CACNA2D3: variants seen among roughly 807,000 people sequenced by gnomAD.
CACNA2D3 encodes calcium voltage-gated channel auxiliary subunit alpha2delta 3.
Under a neutral mutation model 160.6 loss-of-function variants are expected in CACNA2D3, and 60 were observed. That is an observed-to-expected ratio of 0.37 (90% CI 0.30 to 0.46). The LOEUF is 0.46. CACNA2D3 is among the 20% of genes least tolerant of loss of function. The pLI is 1.00. For synonymous variants in CACNA2D3, 558 were observed against 492.9 expected (o/e 1.13, Z -1.75); for missense variants, 1,205 against 1,365.0 (o/e 0.88, Z 1.85).
At chr3:54,520,101 T>C (rs1189896120) in intron 5 of CACNA2D3, among the ~76,000 whole-genome samples, 2 of 152,382 alleles carry the variant, frequency 1.3e-5, no homozygotes, top group South Asian at 2.1e-4. Context: ...GCAAGTTAAC[T>C]TCCTAGTGGT....
chr3:54,677,543 AGAGT>A (rs1700264414), intron 11 of CACNA2D3, among the ~76,000 whole-genome samples: 1 of 151,692 alleles, frequency 6.6e-6, no homozygotes, highest in Admixed American at 6.6e-5. Context: ...ATGGATATAT[AGAGT>A]GAGTAGATGA....
chr3:54,140,735 C>G lies in CACNA2D3; in HGVS notation c.204+17141C>G, dbSNP rs140831219. Among the ~76,000 whole-genome samples the G allele has an allele frequency of 4.7e-4, 72 of 152,300 alleles. No homozygotes were observed. In the East Asian group the frequency reaches 0.013, roughly 28 times the overall value. On this transcript the variant is annotated intron_variant, in intron 2 of 37. Transcript: ENST00000474759. ...TCTGATGTCAGTGGTAATGCCTCATCCAGAGAATGTTGGTTCCCTAGAGCA... is the reference window on the plus strand; with the variant it reads ...TCTGATGTCAGTGGTAATGCCTCATGCAGAGAATGTTGGTTCCCTAGAGCA...
At chr3:54,780,626 A>G (rs1198293618) in intron 13 of CACNA2D3, among the ~76,000 whole-genome samples, 1 of 152,190 alleles carries the variant, frequency 6.6e-6, no homozygotes. Flanking sequence ...GTTCTTCATC[A>G]GATTGTAAAT....
At chr3:54,849,052 G>A (rs942779946) in intron 17 of CACNA2D3, among the ~76,000 whole-genome samples, 3 of 152,168 alleles carry the variant, frequency 2.0e-5, no homozygotes, top group African/African-American at 7.2e-5. Flanking sequence ...AGCACTTTTT[G>A]ATTATTCAGG....
chr3:54,832,111 G>T lies in CACNA2D3; in HGVS notation c.1399-5048G>T, dbSNP rs539545600. ...TATTCAGTCTCATCGCCTCTCTGTG[G>T]CAAGGGGACACGGCTGTCAAGCTGA... is the stretch of plus-strand genomic sequence containing the variant. On this transcript the variant is annotated intron_variant, in intron 14 of 37. Transcript: ENST00000474759. Among the ~76,000 whole-genome samples the T allele has an allele frequency of 9.9e-5, 15 of 150,762 alleles. 1 individual carries two copies. The South Asian group carries it at 2.7e-3, about 27-fold the overall frequency.
At chr3:54,821,634 G>GTCTTTCTT (rs1268858260) in intron 14 of CACNA2D3, among the ~76,000 whole-genome samples, 16 of 140,386 alleles carry the variant, frequency 1.1e-4, no homozygotes, top group African/African-American at 3.3e-4. Context: ...TTTTTCTAGA[G>GTCTTTCTT]TCTTTCGTTC....
At chr3:54,142,862 T>G (rs1699961816) in intron 2 of CACNA2D3, among the ~76,000 whole-genome samples, 1 of 152,236 alleles carries the variant, frequency 6.6e-6, no homozygotes, top group Non-Finnish European at 1.5e-5. Flanking sequence ...GTAACCACTA[T>G]ACTATACTTC....
chr3:54,730,464 G>GGGGCAA (rs1701364289), intron 11 of CACNA2D3, among the ~76,000 whole-genome samples: 1 of 152,090 alleles, frequency 6.6e-6, no homozygotes, highest in Non-Finnish European at 1.5e-5. Flanking sequence ...TGCCTCCTTT[G>GGGGCAA]GGGCAACAAG....
At chr3:54,463,549 C>A (rs960208123) in intron 4 of CACNA2D3, among the ~76,000 whole-genome samples, 21 of 152,194 alleles carry the variant, frequency 1.4e-4, no homozygotes, top group African/African-American at 4.8e-4. Flanking sequence ...GATACCCTTT[C>A]TTCCAGTTGA....
At chr3:54,457,328 C>G (rs1700417150) in intron 4 of CACNA2D3, among the ~76,000 whole-genome samples, 1 of 151,916 alleles carries the variant, frequency 6.6e-6, no homozygotes, top group Admixed American at 6.6e-5. Flanking sequence ...ATTTGTTGTT[C>G]AAGAGCATGT....
At chr3:54,177,066 C>T (rs1038324214) in intron 2 of CACNA2D3, among the ~76,000 whole-genome samples, 1 of 152,164 alleles carries the variant, frequency 6.6e-6, no homozygotes, top group African/African-American at 2.4e-5. Context: ...TGAGCTTATG[C>T]CTTCCAAAGA....
chr3:54,526,058 C>A (rs2106637277), intron 5 of CACNA2D3, among the ~76,000 whole-genome samples: 1 of 152,000 alleles, frequency 6.6e-6, no homozygotes, highest in Non-Finnish European at 1.5e-5. Flanking sequence ...ATTAATCTAT[C>A]TTCAAGTTTG....
chr3:54,952,800 A>G (rs1326738412), intron 27 of CACNA2D3, among the ~76,000 whole-genome samples: 1 of 152,156 alleles, frequency 6.6e-6, no homozygotes, highest in Non-Finnish European at 1.5e-5. Flanking sequence ...CAGAGGGACA[A>G]TGACAATATC....
chr3:54,491,189 GTTC>G (rs1282958077), intron 4 of CACNA2D3, among the ~76,000 whole-genome samples: 1 of 152,156 alleles, frequency 6.6e-6, no homozygotes. Context: ...AGTAGGACTT[GTTC>G]TTAGGGTCAG....
At chr3:54,377,781 C>T (rs193213520) in intron 3 of CACNA2D3, among the ~76,000 whole-genome samples, 2 of 152,288 alleles carry the variant, frequency 1.3e-5, no homozygotes, top group East Asian at 3.9e-4. Context: ...ACTCAGTTAT[C>T]TATTTATTGG....
intron 11 of CACNA2D3, among the ~76,000 whole-genome samples, chr3:54,745,928 C>G (rs1357687602): frequency 6.6e-6 from 1 of 152,148 alleles, no homozygotes; most frequent in African/African-American, 2.4e-5. Flanking sequence ...TCATAATCAT[C>G]TATGATATTC....
chr3:54,315,561 C>G (rs1347935434), intron 2 of CACNA2D3, among the ~76,000 whole-genome samples: 1 of 152,224 alleles, frequency 6.6e-6, no homozygotes, highest in Non-Finnish European at 1.5e-5. Context: ...CCCTTCCCCA[C>G]AAGGTCAAAA....
chr3:55,067,936 G>A (rs550955054), intron 35 of CACNA2D3, among the ~76,000 whole-genome samples: 31 of 152,326 alleles, frequency 2.0e-4, no homozygotes, highest in African/African-American at 6.7e-4. Context: ...ATGGCTAGAA[G>A]CAAGGGGAAA....
chr3:54,660,183 CAG>C (rs1699943149), intron 11 of CACNA2D3, among the ~76,000 whole-genome samples: 1 of 147,514 alleles, frequency 6.8e-6, no homozygotes, highest in Non-Finnish European at 1.5e-5. Flanking sequence ...ATTTTTGAGA[CAG>C]AGTCTTGCTC....
Sources: gnomAD v4.1 joint callset for allele counts (sites outside exome capture counted in the v4.1 genomes callset) on GRCh38, gnomAD v4.1.1 for gene constraint, MANE v1.5 for transcripts, NCBI Gene and HGNC (gene_info 2026-07-23, HGNC 2026-07-21) for gene names.